Variants in ETNK2 observed in about 807,000 individuals in gnomAD.
The protein encoded by ETNK2 is ethanolamine kinase-like protein.
A neutral mutation model predicts 46.2 loss-of-function variants in ETNK2; 33 were observed. That is an observed-to-expected ratio of 0.71 (90% CI 0.54 to 0.96). The LOEUF is 0.96. Among genes scored for constraint, ETNK2 ranks in the 40% least tolerant of loss-of-function variants. The probability of loss-of-function intolerance (pLI) is 0.00; values close to 1 mark genes in which losing one functional copy is unlikely to be tolerated. For synonymous variants in ETNK2, 194 were observed against 209.0 expected, an observed-to-expected ratio of 0.93 and a Z score of 0.62; for missense variants, 445 against 509.7, an observed-to-expected ratio of 0.87 and a Z score of 1.22.
intron 2 of ETNK2, 95 bp from the exon 3 acceptor site, chr1:204,146,859 C>A: frequency 6.6e-7 from 1 of 1,523,964 alleles, no homozygotes; most frequent in Non-Finnish European, 9.0e-7. Context: ...TCCAGGCCCA[C>A]CAGGGCACTT....
At chr1:204,143,664 G>C (rs1479847564) in intron 3 of ETNK2, among the ~76,000 whole-genome samples, 2 of 152,170 alleles carry the variant, frequency 1.3e-5, no homozygotes, top group Non-Finnish European at 2.9e-5. Context: ...GGAAGCCTTG[G>C]GGTTCCTCCT....
intron 6 of ETNK2, among the ~76,000 whole-genome samples, chr1:204,135,879 A>G (rs1657261782): frequency 6.6e-6 from 1 of 152,176 alleles, no homozygotes; most frequent in African/African-American, 2.4e-5. Flanking sequence ...GCAAGCCAAC[A>G]TTAGCAATCC....
At chr1:204,143,810 C>G (rs1378278132) in intron 3 of ETNK2, among the ~76,000 whole-genome samples, 4 of 152,202 alleles carry the variant, frequency 2.6e-5, no homozygotes. Context: ...ACCAACCCAC[C>G]CACCAGTATC....
In ETNK2 at chr1:204,134,544, C is replaced by G; in HGVS notation, c.1059G>C (p.Gln353His). 1.2e-6 allele frequency: 2 copies of G among 1,614,012 alleles called. No homozygotes were observed. Among genetic ancestry groups the G allele is most frequent in the Non-Finnish European group, 1.7e-6 (2 of 1,179,888 alleles). Reference sequence around the variant, plus strand: ...GGAAATCAAAGTCGATGGTGGAGTACTGGTTCTGGATGAGGGCCCAGAGAG... The same window carrying G: ...GGAAATCAAAGTCGATGGTGGAGTAGTGGTTCTGGATGAGGGCCCAGAGAG... The part of the protein sequence containing the change: ...FWALWALIQN[Q>H]YSTIDFDFLR... The change falls in exon 7 of 8, where the codon CAG (glutamine) becomes CAC (histidine). Residue 353 changes from glutamine (Q) to histidine (H), a missense_variant. Coordinates refer to ENST00000367202, the MANE Select transcript of ETNK2 (RefSeq NM_018208.4).
chr1:204,147,225 G>A (rs890365418), intron 2 of ETNK2, among the ~76,000 whole-genome samples: 3 of 152,208 alleles, frequency 2.0e-5, no homozygotes, highest in African/African-American at 7.2e-5. Flanking sequence ...TGCCAGGCAG[G>A]GAAGAAATGC....
chr1:204,150,783 G>T (rs922532796), intron 1 of ETNK2, among the ~76,000 whole-genome samples: 28 of 152,122 alleles, frequency 1.8e-4, no homozygotes, highest in African/African-American at 6.0e-4. Context: ...CCATCCCCAG[G>T]GCGGGTTCTG....
At chr1:204,145,413 C>A (rs1657741457) in intron 3 of ETNK2, among the ~76,000 whole-genome samples, 1 of 152,244 alleles carries the variant, frequency 6.6e-6, no homozygotes, top group Non-Finnish European at 1.5e-5. Context: ...CATCCCCTCC[C>A]TGGGCCTCGG....
At position 204,140,119 on chromosome 1, in the gene ETNK2, C is replaced by T. The variant is rs1210991692; in HGVS notation, c.785-1G>A. The T allele has an allele frequency of 6.8e-6, 11 of 1,613,230 alleles. No homozygotes were observed. The highest frequency in any genetic ancestry group is 9.3e-6 in the Non-Finnish European group (11 of 1,179,398). On this transcript the variant is annotated splice_acceptor_variant, in intron 4 of 7. Transcript: ENST00000367202. LOFTEE classifies it high-confidence loss of function. ...TCATAGTCAATGAACCGCACGTGAC[C>T]TATGAAGTAGAGGAGAATCGATGAG...
intron 1 of ETNK2, 106 bp from the exon 2 acceptor site, chr1:204,150,068 G>A (rs369612543): frequency 4.4e-5 from 56 of 1,264,324 alleles, no homozygotes; most frequent in South Asian, 4.2e-4. Context: ...TTTGAATGCC[G>A]AGCACAACCA....
rs74886720 is a variant in ETNK2, at chr1:204,148,988, T to C, written c.518+715A>G. On this transcript the variant is annotated intron_variant, in intron 2 of 7. Transcript: ENST00000367202. Reference sequence around the variant, plus strand: ...TTGGAGGGAGGAAGGAGGACACTGCTTGCCATCCTTGTTCTGGCACAGAGG... The same window carrying C: ...TTGGAGGGAGGAAGGAGGACACTGCCTGCCATCCTTGTTCTGGCACAGAGG... Among the ~76,000 whole-genome samples the C allele has an allele frequency of 2.4e-3, 370 of 152,288 alleles. 1 individual carries two copies. Among genetic ancestry groups the C allele is most frequent in the Admixed American group, 6.3e-3 (96 of 15,306 alleles).
chr1:204,143,225 C>CTT (rs1038483843), intron 3 of ETNK2, among the ~76,000 whole-genome samples: 1 of 145,924 alleles, frequency 6.9e-6, no homozygotes, highest in African/African-American at 2.5e-5. Context: ...TTTAAGATTC[C>CTT]TTTTTTTTTT....
chr1:204,148,733 G>A (rs1041919055), intron 2 of ETNK2, among the ~76,000 whole-genome samples: 1 of 152,196 alleles, frequency 6.6e-6, no homozygotes, highest in Non-Finnish European at 1.5e-5. Flanking sequence ...ACAGCCAGGT[G>A]CATTTGGGGT....
At chr1:204,137,831 T>A (rs1417659948) in intron 5 of ETNK2, among the ~76,000 whole-genome samples, 1 of 152,170 alleles carries the variant, frequency 6.6e-6, no homozygotes, top group Non-Finnish European at 1.5e-5. Context: ...CTCTGATGTG[T>A]AGCCAGGCTG....
chr1:204,147,788 C>T (rs1315465005), intron 2 of ETNK2, among the ~76,000 whole-genome samples: 2 of 152,148 alleles, frequency 1.3e-5, no homozygotes, highest in Admixed American at 6.5e-5. Flanking sequence ...CTGGAAGCCC[C>T]CAAGGCTCCC....
chr1:204,151,535 C>T lies in ETNK2; in HGVS notation c.258+60G>A. The T allele has an allele frequency of 6.5e-7, 1 of 1,540,914 alleles. No homozygotes were observed. Among genetic ancestry groups the T allele is most frequent in the South Asian group, 1.2e-5 (1 of 83,302 alleles). The stretch of plus-strand genomic sequence containing the variant: ...CCGGAAGGATGCGAGGACTGGGTCC[C>T]CGCATCCCCCTGGCAGCCCTGGCAG... On this transcript the variant is annotated intron_variant, in intron 1 of 7. Transcript: ENST00000367202. This position sits in a 1 kb window ranked among gnomAD's most constrained non-coding sequence, Gnocchi z 8.0.
intron 5 of ETNK2, among the ~76,000 whole-genome samples, chr1:204,139,751 T>C (rs1387330154): frequency 6.6e-6 from 1 of 152,186 alleles, no homozygotes; most frequent in Non-Finnish European, 1.5e-5. Flanking sequence ...TACACAAACC[T>C]AGATGGGATA....
At chr1:204,143,192 T>C (rs545365608) in intron 3 of ETNK2, among the ~76,000 whole-genome samples, 1 of 151,742 alleles carries the variant, frequency 6.6e-6, no homozygotes, top group Non-Finnish European at 1.5e-5. Context: ...GTTTCAGTCC[T>C]GGCTCTCCTT....
intron 2 of ETNK2, among the ~76,000 whole-genome samples, chr1:204,147,974 C>T (rs1327397894): frequency 3.3e-5 from 5 of 152,186 alleles, no homozygotes; most frequent in Non-Finnish European, 7.3e-5. Context: ...AAGGAAGATT[C>T]GGAACAGAGC....
At chr1:204,144,041 G>T (rs939762897) in intron 3 of ETNK2, among the ~76,000 whole-genome samples, 1 of 152,212 alleles carries the variant, frequency 6.6e-6, no homozygotes, top group East Asian at 1.9e-4. Context: ...CACCTGGGGT[G>T]CCTATCAAAA....
Sources: allele counts gnomAD v4.1 joint callset (sites outside exome capture counted in the v4.1 genomes callset), GRCh38; gene constraint gnomAD v4.1.1; non-coding constraint Gnocchi (gnomAD v3.1); transcripts MANE v1.5; gene names NCBI Gene and HGNC (gene_info 2026-07-23, HGNC 2026-07-21).